The following PFKFB3 variants were observed in gnomAD, a reference collection of about 807,000 sequenced individuals.
PFKFB3 encodes 6-phosphofructo-2-kinase/fructose-2,6-biphosphatase 3, also known as 6-phosphofructo-2-kinase/fructose-2,6-bisphosphatase 3.
In PFKFB3, 33 loss-of-function variants were observed where a neutral mutation model predicts 68.0. The observed-to-expected ratio is 0.49, with a 90% CI of 0.37 to 0.65. The LOEUF (loss-of-function observed/expected upper bound fraction) is 0.65, where lower values mean the gene tolerates loss of function less well. PFKFB3 is among the 30% of genes least tolerant of loss of function. The pLI, the probability that PFKFB3 is intolerant of heterozygous loss-of-function variation, is 0.00. For synonymous variants in PFKFB3, 315 were observed against 288.2 expected (o/e 1.09, Z -0.94); for missense variants, 586 against 712.2 (o/e 0.82, Z 2.02).
rs115822013 is a variant in PFKFB3 at position 6,211,510 on chromosome 10, A to G, written c.77-2113A>G. Among the ~76,000 whole-genome samples the G allele has an allele frequency of 4.1e-3, 630 of 152,234 alleles. 4 individuals are homozygous for G. The highest frequency in any genetic ancestry group is 0.015 in the African/African-American group (612 of 41,530). Reference sequence around the variant, plus strand: ...GTATTGTTTCCAAGGAGTTGCTGCTACTTTCCTGATATGGCAGCTACAGCT... The same window carrying G: ...GTATTGTTTCCAAGGAGTTGCTGCTGCTTTCCTGATATGGCAGCTACAGCT... On this transcript the variant is annotated intron_variant, in intron 1 of 14. Transcript: ENST00000379775.
intron 1 of PFKFB3, among the ~76,000 whole-genome samples, chr10:6,178,108 C>A (rs1266362107): frequency 6.6e-6 from 1 of 152,168 alleles, no homozygotes; most frequent in African/African-American, 2.4e-5. Flanking sequence ...TGGTTTGGCC[C>A]CAGTCTTGGT....
chr10:6,257,057 C>G (rs1425779849), downstream of PFKFB3, among the ~76,000 whole-genome samples: 2 of 151,718 alleles, frequency 1.3e-5, no homozygotes, highest in African/African-American at 4.8e-5. Flanking sequence ...TTTTTTCTTT[C>G]TTTTGCTTTC....
At chr10:6,146,212 T>C (rs1238946203) in intron 1 of PFKFB3, 73 of 1,425,824 alleles carry the variant, frequency 5.1e-5, no homozygotes, top group Non-Finnish European at 6.5e-5. Flanking sequence ...CACCCACCCA[T>C]CTGCCTCTCT....
downstream of PFKFB3, among the ~76,000 whole-genome samples, chr10:6,255,525 G>A (rs1233515309): frequency 5.3e-5 from 8 of 152,060 alleles, no homozygotes; most frequent in Non-Finnish European, 1.2e-4. Flanking sequence ...ATATATTTTC[G>A]GGGAAGGGTA....
chr10:6,200,462 C>T (rs1024056440), upstream of PFKFB3, among the ~76,000 whole-genome samples: 240 of 152,080 alleles, frequency 1.6e-3, 2 homozygotes, highest in Non-Finnish European at 2.3e-3. Flanking sequence ...CAGTAAATTA[C>T]CAGAATACAG....
chr10:6,288,805 C>T, the PFKFB3 span, among the ~76,000 whole-genome samples: 4 of 152,248 alleles, frequency 2.6e-5, no homozygotes, highest in East Asian at 1.9e-4. Flanking sequence ...GTTGAACTAG[C>T]TTACAGTCCC....
intron 1 of PFKFB3, among the ~76,000 whole-genome samples, chr10:6,194,972 G>A (rs776725144): frequency 8.6e-5 from 13 of 151,428 alleles, no homozygotes; most frequent in East Asian, 3.9e-4. Context: ...TCCCAGGTTC[G>A]AGCTATTCTC....
chr10:6,204,724 G>T (rs1214497190), intron 1 of PFKFB3, among the ~76,000 whole-genome samples: 1 of 152,254 alleles, frequency 6.6e-6, no homozygotes, highest in Non-Finnish European at 1.5e-5. Flanking sequence ...TGTAAAACCT[G>T]TAAGTGGAGT....
At chr10:6,223,105 G>C (rs1023516437) in intron 11 of PFKFB3, 121 bp downstream of exon 11, 1 of 1,026,356 alleles carries the variant, frequency 9.7e-7, no homozygotes, top group South Asian at 1.6e-5. Context: ...GGGGTGTTAG[G>C]AGAAGGGCAC....
rs567853943 is a variant in PFKFB3 at position 6,191,814 on chromosome 10, G to A, written c.17-21809G>A. Among the ~76,000 whole-genome samples, 140 of 152,180 alleles carry A rather than the reference G, an allele frequency of 9.2e-4. 1 individual carries two copies. The highest frequency in any genetic ancestry group is 1.7e-3 in the Non-Finnish European group (117 of 67,984). On this transcript the variant is annotated intron_variant, in intron 1 of 14. Transcript: ENST00000379789. Reference sequence around the variant, plus strand: ...CAACGCGATGCACGACAACCCCCGCGCCTTCGTCAGTGGCTCTAACTCCTG... The same window carrying A: ...CAACGCGATGCACGACAACCCCCGCACCTTCGTCAGTGGCTCTAACTCCTG...
chr10:6,306,525 G>A, the PFKFB3 span, among the ~76,000 whole-genome samples: 1 of 152,194 alleles, frequency 6.6e-6, no homozygotes, highest in African/African-American at 2.4e-5. Context: ...TCAACAAGTA[G>A]CTGAAGTCAG....
the PFKFB3 span, among the ~76,000 whole-genome samples, chr10:6,306,115 C>A: frequency 6.6e-6 from 1 of 152,180 alleles, no homozygotes; most frequent in East Asian, 1.9e-4. Context: ...CTCATGGCAG[C>A]CTCAAACTCC....
intron 1 of PFKFB3, among the ~76,000 whole-genome samples, chr10:6,207,928 C>G (rs1843903232): frequency 6.6e-6 from 1 of 152,160 alleles, no homozygotes; most frequent in Non-Finnish European, 1.5e-5. Context: ...TCTGAGGGAT[C>G]CTGGGTACCG....
chr10:6,298,096 A>C, the PFKFB3 span, among the ~76,000 whole-genome samples: 3 of 152,194 alleles, frequency 2.0e-5, no homozygotes, highest in Non-Finnish European at 4.4e-5. Flanking sequence ...CTTGGCTAGC[A>C]GTCTGTTTAT....
At chr10:6,314,996 G>A in the PFKFB3 span, among the ~76,000 whole-genome samples, 2 of 152,174 alleles carry the variant, frequency 1.3e-5, no homozygotes, top group Non-Finnish European at 2.9e-5. Flanking sequence ...GCCCTGCAGG[G>A]ACTCTCCCTC....
At chr10:6,223,121 T>C in intron 11 of PFKFB3, 137 bp downstream of exon 11, 1 of 837,204 alleles carries the variant, frequency 1.2e-6, no homozygotes, top group Non-Finnish European at 1.8e-6. Context: ...GGCACAGGTG[T>C]CGGCTCCCGG....
rs187625998 is a variant in PFKFB3, at chr10:6,162,660, C to A, written c.16+17647C>A. On this transcript the variant is annotated intron_variant, in intron 1 of 14. Coordinates refer to the PFKFB3 transcript ENST00000379789. ...AAATTATGACTGCATGTGTTAGAAT[C>A]CATTCCTGACATACTCAATTGATGC... Among the ~76,000 whole-genome samples, 4 of 152,316 alleles carry A rather than the reference C, an allele frequency of 2.6e-5. No homozygotes were observed. The East Asian group carries it at 5.8e-4, about 22-fold the overall frequency.
intron 1 of PFKFB3, among the ~76,000 whole-genome samples, chr10:6,167,557 T>G (rs1430518373): frequency 6.6e-6 from 1 of 152,236 alleles, no homozygotes. Flanking sequence ...CTGTGGAATG[T>G]GTATAAAGAG....
chr10:6,233,050 G>T lies in PFKFB3; in HGVS notation c.*108G>T, dbSNP rs968982834. ...GAGGACTTCTTCCGGAGAGGGTGGG[G>T]TGGAGCAGCGGGGGAGCCTTGGCCG... On this transcript the variant is annotated 3_prime_UTR_variant, in exon 15 of 15. Transcript: ENST00000379775. The T allele has an allele frequency of 1.1e-6, 1 of 870,600 alleles. No individual in the cohort carries two copies. Among genetic ancestry groups the T allele is most frequent in the Middle Eastern group, 2.5e-4 (1 of 3,952 alleles). 53.9% of individuals were successfully genotyped at this position (870,600 alleles called of 1,614,324 possible).
Sources: gnomAD v4.1 joint callset for allele counts (sites outside exome capture counted in the v4.1 genomes callset) on GRCh38, gnomAD v4.1.1 for gene constraint, MANE v1.5 for transcripts, NCBI Gene and HGNC (gene_info 2026-07-23, HGNC 2026-07-21) for gene names.